Variants in FRMD4B observed in about 807,000 individuals in gnomAD.
FRMD4B encodes FERM domain-containing protein 4B.
A neutral mutation model predicts 141.5 loss-of-function variants in FRMD4B; 74 were observed. The ratio of observed to expected loss-of-function variants is 0.52; its 90% CI spans 0.43 to 0.63. The LOEUF (loss-of-function observed/expected upper bound fraction) is 0.63. Ranked by LOEUF, FRMD4B falls within the 30% of genes least tolerant of loss-of-function variation. The pLI is 0.00. For missense variants in FRMD4B, 1,366 were observed against 1,253.4 expected, an observed-to-expected ratio of 1.09 and a Z score of -1.36; for synonymous variants, 506 against 467.9, an observed-to-expected ratio of 1.08 and a Z score of -1.05.
intron 1 of FRMD4B, among the ~76,000 whole-genome samples, chr3:69,495,776 GTGA>G (rs1166748693): frequency 3.9e-5 from 6 of 152,136 alleles, no homozygotes; most frequent in Non-Finnish European, 5.9e-5. Flanking sequence ...TAAAGGGACT[GTGA>G]TGATTTCAAC....
intron 4 of FRMD4B, 111 bp from the exon 5 acceptor site, chr3:69,287,947 T>C: frequency 3.3e-6 from 2 of 600,610 alleles, no homozygotes; most frequent in Non-Finnish European, 3.0e-6. Context: ...CTGAGGAAGG[T>C]TGTGCTTTCT....
intron 1 of FRMD4B, among the ~76,000 whole-genome samples, chr3:69,477,184 A>G (rs923406317): frequency 6.6e-5 from 10 of 152,122 alleles, no homozygotes; most frequent in African/African-American, 2.2e-4. Context: ...TTCCTAATTG[A>G]ATACCCTTTA....
At chr3:69,490,773 C>T (rs1296909601) in intron 1 of FRMD4B, among the ~76,000 whole-genome samples, 2 of 152,164 alleles carry the variant, frequency 1.3e-5, no homozygotes, top group African/African-American at 4.8e-5. Flanking sequence ...TCTGTCACAG[C>T]TGTCCCCACC....
chr3:69,384,388 C>A (rs987477566), intron 1 of FRMD4B, among the ~76,000 whole-genome samples: 2 of 152,086 alleles, frequency 1.3e-5, no homozygotes, highest in East Asian at 3.9e-4. Flanking sequence ...TATTTGCGTT[C>A]CCTTTTTGAA....
chr3:69,270,582 T>C (rs896544963), intron 5 of FRMD4B, among the ~76,000 whole-genome samples: 21 of 151,702 alleles, frequency 1.4e-4, no homozygotes, highest in African/African-American at 5.1e-4. Flanking sequence ...TTTTTTTTTT[T>C]TTGAGACGGA....
At chr3:69,261,335 T>C (rs2093526119) in intron 5 of FRMD4B, among the ~76,000 whole-genome samples, 1 of 152,232 alleles carries the variant, frequency 6.6e-6, no homozygotes, top group Non-Finnish European at 1.5e-5. Context: ...GGCTTCATTC[T>C]TTAAGTCAGT....
At chr3:69,353,756 G>C in intron 1 of FRMD4B, 51 of 962,700 alleles carry the variant, frequency 5.3e-5, no homozygotes, top group Non-Finnish European at 6.3e-5. Flanking sequence ...TCAAGGAAAT[G>C]ACCATACTGT....
At chr3:69,535,683 T>C (rs955186915) in intron 1 of FRMD4B, 4 of 315,108 alleles carry the variant, frequency 1.3e-5, no homozygotes, top group African/African-American at 4.4e-5. Context: ...TCTGGCTAGA[T>C]ACGTCAGATG....
intron 1 of FRMD4B, among the ~76,000 whole-genome samples, chr3:69,501,733 G>A (rs1316504057): frequency 6.6e-6 from 1 of 152,156 alleles, no homozygotes; most frequent in East Asian, 1.9e-4. Context: ...AAAAGAGGAA[G>A]TCAAATTGTC....
intron 3 of FRMD4B, among the ~76,000 whole-genome samples, chr3:69,308,739 C>T (rs1242631864): frequency 6.6e-6 from 1 of 152,036 alleles, no homozygotes; most frequent in Non-Finnish European, 1.5e-5. Flanking sequence ...TGTGCCCGGC[C>T]TTGTTTTTTT....
intron 3 of FRMD4B, among the ~76,000 whole-genome samples, chr3:69,305,275 T>A (rs1701356078): frequency 6.6e-6 from 1 of 152,122 alleles, no homozygotes; most frequent in Non-Finnish European, 1.5e-5. Flanking sequence ...CCGGAAAGAG[T>A]GTGTCTTTGT....
At chr3:69,491,411 T>A (rs1344108445) in intron 1 of FRMD4B, among the ~76,000 whole-genome samples, 1 of 152,078 alleles carries the variant, frequency 6.6e-6, no homozygotes, top group African/African-American at 2.4e-5. Context: ...GAAGAAAATG[T>A]TTTAAAATAA....
chr3:69,321,230 C>T lies in FRMD4B; in HGVS notation c.163-7713G>A, dbSNP rs535355556. 4.6e-5 allele frequency among the ~76,000 whole-genome samples: 7 copies of T among 152,168 alleles called. No homozygotes were observed. In the South Asian group the frequency reaches 8.3e-4, roughly 18 times the overall value. ...ATGGAACCACTCATAACAACGGGGTCGTCTTACAAGGCAACAGGAAATAGC... is the reference window on the plus strand; with the variant it reads ...ATGGAACCACTCATAACAACGGGGTTGTCTTACAAGGCAACAGGAAATAGC... On this transcript the variant is annotated intron_variant, in intron 1 of 22. Transcript: ENST00000398540.
chr3:69,526,599 G>A (rs1010743020), intron 1 of FRMD4B, among the ~76,000 whole-genome samples: 18 of 152,130 alleles, frequency 1.2e-4, no homozygotes, highest in African/African-American at 1.7e-4. Flanking sequence ...GTGTGGGGCC[G>A]AGAAAATTGT....
chr3:69,496,731 A>C (rs1435086715), intron 1 of FRMD4B, among the ~76,000 whole-genome samples: 1 of 151,618 alleles, frequency 6.6e-6, no homozygotes, highest in Non-Finnish European at 1.5e-5. Flanking sequence ...GTCCAGGCCA[A>C]GTCATACTTA....
intron 1 of FRMD4B, among the ~76,000 whole-genome samples, chr3:69,352,063 C>T (rs1040886160): frequency 5.9e-5 from 9 of 152,168 alleles, no homozygotes; most frequent in African/African-American, 1.9e-4. Flanking sequence ...CACAGTGGAA[C>T]ACACAGAGTA....
chr3:69,479,508 T>A (rs972764144), intron 1 of FRMD4B, among the ~76,000 whole-genome samples: 3 of 152,204 alleles, frequency 2.0e-5, no homozygotes, highest in Non-Finnish European at 4.4e-5. Context: ...TGAAAATTCT[T>A]TTCTTTAATA....
chr3:69,287,839 GA>G lies in FRMD4B; in HGVS notation c.417-4del. The G allele has an allele frequency of 4.8e-6, 7 of 1,463,762 alleles. No homozygotes were observed. Among genetic ancestry groups the G allele is most frequent in the South Asian group, 1.2e-5 (1 of 83,582 alleles). The allele number at this position is 1,463,762 out of a possible 1,614,324, so 90.7% of individuals were successfully genotyped here. On this transcript the variant is annotated splice_region_variant and splice_polypyrimidine_tract_variant and intron_variant, in intron 4 of 22. Transcript: ENST00000398540. The stretch of plus-strand genomic sequence containing the variant: ...ACGATATGCTCTCAATGTAAAACCT[GA>G]AAAACAGCAGAGGAGTTTGTTCCTT...
At chr3:69,426,899 T>C (rs1350918432) in intron 2 of FRMD4B, among the ~76,000 whole-genome samples, 3 of 152,168 alleles carry the variant, frequency 2.0e-5, no homozygotes, top group East Asian at 1.9e-4. Context: ...TTCTCCATAC[T>C]GGTACAACAG....
Sources: gnomAD v4.1 joint callset for allele counts (sites outside exome capture counted in the v4.1 genomes callset) on GRCh38, gnomAD v4.1.1 for gene constraint, MANE v1.5 for transcripts, NCBI Gene and HGNC (gene_info 2026-07-23, HGNC 2026-07-21) for gene names.